Variants in DLST observed in about 807,000 individuals in gnomAD.
DLST encodes dihydrolipoamide S-succinyltransferase, also known as dihydrolipoyllysine-residue succinyltransferase component of 2-oxoglutarate dehydrogenase complex, mitochondrial.
Under a neutral mutation model 53.1 loss-of-function variants are expected in DLST, and 17 were observed. The ratio of observed to expected loss-of-function variants is 0.32; its 90% CI spans 0.22 to 0.48. The LOEUF is 0.48. Ranked by LOEUF, DLST falls within the 20% of genes least tolerant of loss-of-function variation. The pLI, the probability that DLST is intolerant of heterozygous loss-of-function variation, is 0.99. For missense variants in DLST, 512 were observed against 583.9 expected (o/e 0.88, Z 1.27); for synonymous variants, 206 against 204.8 (o/e 1.01, Z -0.05).
At chr14:74,897,896 TAGG>T (rs901011514) in intron 10 of DLST, among the ~76,000 whole-genome samples, 17 of 151,730 alleles carry the variant, frequency 1.1e-4, no homozygotes, top group African/African-American at 3.9e-4. Flanking sequence ...AATCAAGAGA[TAGG>T]AGGAATATCA....
chr14:74,894,224 G>C, intron 9 of DLST, 88 bp from the exon 10 acceptor site: 3 of 1,509,994 alleles, frequency 2.0e-6, no homozygotes, highest in Non-Finnish European at 2.7e-6. Flanking sequence ...CCATCTACTC[G>C]TGGCAAGCCG....
At chr14:74,896,237 C>T (rs117332856) in intron 10 of DLST, among the ~76,000 whole-genome samples, 2 of 152,200 alleles carry the variant, frequency 1.3e-5, no homozygotes, top group Admixed American at 1.3e-4. Flanking sequence ...ATGATGTTAA[C>T]AGTGTAGACC....
At chr14:74,901,985 A>G (rs912894427) in intron 14 of DLST, among the ~76,000 whole-genome samples, 1 of 152,222 alleles carries the variant, frequency 6.6e-6, no homozygotes, top group African/African-American at 2.4e-5. Flanking sequence ...AGTTGTGAGA[A>G]GACAGTTTTC....
intron 5 of DLST, 84 bp downstream of exon 5, chr14:74,889,433 A>G (rs1304987648): frequency 8.8e-7 from 1 of 1,142,658 alleles, no homozygotes; most frequent in Non-Finnish European, 1.2e-6. Context: ...CAGTGGTATG[A>G]TCTCGGCTCA....
intron 1 of DLST, among the ~76,000 whole-genome samples, chr14:74,882,299 G>T (rs929583965): frequency 6.6e-6 from 1 of 152,176 alleles, no homozygotes; most frequent in Admixed American, 6.5e-5. Context: ...CCAGATACTT[G>T]ACTCAGAGTT....
Position 74,892,796 on chromosome 14 carries a change from A to G in DLST, c.443-38A>G, listed in dbSNP as rs755744930. ...ATTTTGCTTGGTTGCTTCTCATTTC[A>G]GACAGTGCCAGTGGCATATACTTTT... On this transcript the variant is annotated intron_variant, in intron 7 of 14. Transcript: ENST00000334220. 1.9e-6 allele frequency: 3 copies of G among 1,549,640 alleles called. No homozygotes were observed. In the Admixed American group the frequency reaches 6.3e-5, roughly 33 times the overall value.
intron 3 of DLST, among the ~76,000 whole-genome samples, chr14:74,886,488 G>A (rs955247593): frequency 1.3e-5 from 2 of 152,036 alleles, no homozygotes; most frequent in East Asian, 1.9e-4. Flanking sequence ...CACCATGCCC[G>A]GTTGTTTTTT....
At chr14:74,891,431 TTATAGA>T (rs1267945018) in intron 7 of DLST, 1 of 1,134,842 alleles carries the variant, frequency 8.8e-7, no homozygotes, top group Non-Finnish European at 1.1e-6. Context: ...GGACCTTTTC[TTATAGA>T]TATACAGATT....
intron 10 of DLST, 35 bp downstream of exon 10, chr14:74,894,444 CT>C: frequency 6.2e-7 from 1 of 1,600,856 alleles, no homozygotes; most frequent in Non-Finnish European, 8.5e-7. Context: ...CCCTAGGCCC[CT>C]TTTTCTTAGA....
chr14:74,893,463 G>T, intron 9 of DLST, 39 bp downstream of exon 9: 1 of 1,611,212 alleles, frequency 6.2e-7, no homozygotes, highest in Non-Finnish European at 8.5e-7. Context: ...AGAGGCAGGG[G>T]GCAGTGTTGA....
chr14:74,886,482 A>G (rs773640419), intron 3 of DLST, among the ~76,000 whole-genome samples: 57 of 151,946 alleles, frequency 3.8e-4, no homozygotes, highest in Admixed American at 9.8e-4. Flanking sequence ...ACATGCCACC[A>G]TGCCCGGTTG....
chr14:74,894,847 T>C (rs974723131), intron 10 of DLST, among the ~76,000 whole-genome samples: 1 of 152,028 alleles, frequency 6.6e-6, no homozygotes, highest in Admixed American at 6.5e-5. Flanking sequence ...GCGCCTGGCC[T>C]GTTTATTGTT....
At chr14:74,897,907 TC>T (rs1361104251) in intron 10 of DLST, among the ~76,000 whole-genome samples, 1 of 151,620 alleles carries the variant, frequency 6.6e-6, no homozygotes, top group Non-Finnish European at 1.5e-5. Context: ...AGGAGGAATA[TC>T]ACACGGGAGT....
chr14:74,893,267 G>A (rs1012961358), intron 8 of DLST, 81 bp from the exon 9 acceptor site: 4 of 1,469,160 alleles, frequency 2.7e-6, no homozygotes, highest in South Asian at 1.1e-5. Context: ...TTAAGTAACA[G>A]TACATATGAA....
At chr14:74,891,559 T>G in intron 7 of DLST, 1 of 994,560 alleles carries the variant, frequency 1.0e-6, no homozygotes, top group Non-Finnish European at 1.2e-6. Flanking sequence ...AAGGAAATGC[T>G]CATTGTCTTT....
rs1292652434 is a variant in DLST, at chr14:74,885,650, G to T, written c.146+16G>T. On this transcript the variant is annotated intron_variant, in intron 3 of 14. Coordinates refer to ENST00000334220, the MANE Select transcript of DLST (RefSeq NM_001933.5). Reference sequence around the variant, plus strand: ...GGAAGGTTGTGTAAGTATCACTGGGGAGTACAGATATGTGGCCACGGGTTA... The same window carrying T: ...GGAAGGTTGTGTAAGTATCACTGGGTAGTACAGATATGTGGCCACGGGTTA... 3 of 1,608,304 alleles carry T rather than the reference G, an allele frequency of 1.9e-6. No individual in the cohort carries two copies. Among genetic ancestry groups the T allele is most frequent in the African/African-American group, 2.7e-5 (2 of 74,540 alleles).
At chr14:74,896,153 C>CA (rs1208195683) in intron 10 of DLST, among the ~76,000 whole-genome samples, 1 of 152,086 alleles carries the variant, frequency 6.6e-6, no homozygotes, top group African/African-American at 2.4e-5. Context: ...CATTCCTGGC[C>CA]AAAAAAGAAT....
chr14:74,894,775 C>T (rs1884025141), intron 10 of DLST, among the ~76,000 whole-genome samples: 1 of 152,008 alleles, frequency 6.6e-6, no homozygotes, highest in African/African-American at 2.4e-5. Flanking sequence ...TCTCGATCTC[C>T]TGACCTCGTG....
In DLST at chr14:74,881,971, C is replaced by A; in HGVS notation, c.18C>A (p.Arg6=). MLSRS[R]CVSRAFSRSL... ...CCGCCGTGATGCTGTCCCGATCCCG[C>A]TGTGTGTCTCGGGCGTTCAGCCGCT... The change falls in exon 1 of 15, where the codon CGC becomes CGA. Residue 6 remains arginine (R), a synonymous_variant. Coordinates refer to ENST00000334220, the MANE Select transcript of DLST (RefSeq NM_001933.5). The A allele has an allele frequency of 1.3e-6, 2 of 1,571,186 alleles. No homozygotes were observed. The highest frequency in any genetic ancestry group is 1.7e-6 in the Non-Finnish European group (2 of 1,166,364).
Sources: gnomAD v4.1 joint callset for allele counts (sites outside exome capture counted in the v4.1 genomes callset) on GRCh38, gnomAD v4.1.1 for gene constraint, MANE v1.5 for transcripts, NCBI Gene and HGNC (gene_info 2026-07-23, HGNC 2026-07-21) for gene names.